Variants in MYH13 observed in about 807,000 individuals in gnomAD.
MYH13 encodes myosin heavy chain 13.
A neutral mutation model predicts 232.1 loss-of-function variants in MYH13; 177 were observed. The ratio of observed to expected loss-of-function variants is 0.76; its 90% CI spans 0.67 to 0.86. The LOEUF (loss-of-function observed/expected upper bound fraction) is 0.86. MYH13 is among the 40% of genes least tolerant of loss of function. The pLI is 0.00. For missense variants in MYH13, 2,246 were observed against 2,405.9 expected (o/e 0.93, Z 1.39); for synonymous variants, 884 against 923.5 (o/e 0.96, Z 0.78).
chr17:10,347,151 C>G (rs1383633895), intron 12 of MYH13, among the ~76,000 whole-genome samples: 2 of 152,146 alleles, frequency 1.3e-5, no homozygotes, highest in African/African-American at 2.4e-5. Context: ...GGGTGGATCA[C>G]CTGAGGTCAG....
chr17:10,352,317 C>G (rs190144903), intron 11 of MYH13, among the ~76,000 whole-genome samples: 1 of 151,978 alleles, frequency 6.6e-6, no homozygotes, highest in Non-Finnish European at 1.5e-5. Context: ...TGAGGCCAGG[C>G]GCGGTAGCTC....
At chr17:10,343,769 C>T (rs1165486149) in intron 16 of MYH13, 31 bp downstream of exon 16, 1 of 1,553,312 alleles carries the variant, frequency 6.4e-7, no homozygotes, top group East Asian at 2.3e-5. Context: ...ATAGAACGTC[C>T]CACAGAGGGA....
intron 31 of MYH13, 47 bp from the exon 32 acceptor site, chr17:10,312,123 C>T: frequency 6.2e-7 from 1 of 1,604,646 alleles, no homozygotes; most frequent in South Asian, 1.1e-5. Flanking sequence ...GCAGGGGTGA[C>T]TCAGAAGAGT....
chr17:10,367,065 T>G (rs1315749379), intron 2 of MYH13, among the ~76,000 whole-genome samples: 1 of 152,226 alleles, frequency 6.6e-6, no homozygotes, highest in Non-Finnish European at 1.5e-5. Flanking sequence ...ACCTGGAGGA[T>G]GAGAAAGAAT....
Position 10,309,391 on chromosome 17 carries a change from A to G in MYH13, c.5012T>C (p.Leu1671Pro). The part of the protein sequence containing the change: ...LDDALRSNED[L>P]KEQLAIVERR... ...CTCCACGATGGCCAGCTGCTCCTTG[A>G]GGTCCTCATTGCTCCTCAGGGCGTC... Residue 1671 changes from leucine to proline, a missense_variant, in exon 35 of 41, where the codon CTC (leucine) becomes CCC (proline). By Grantham distance (98) the Leu-to-Pro change is moderately conservative. Coordinates refer to ENST00000252172, the MANE Select transcript of MYH13 (RefSeq NM_003802.3). 2 of 1,611,070 alleles carry G rather than the reference A, an allele frequency of 1.2e-6. No individual in the cohort carries two copies. The highest frequency in any genetic ancestry group is 1.7e-6 in the Non-Finnish European group (2 of 1,178,650).
At chr17:10,318,723 C>A (rs1383471253) in intron 27 of MYH13, 67 bp downstream of exon 27, 1 of 1,591,116 alleles carries the variant, frequency 6.3e-7, no homozygotes, top group South Asian at 1.1e-5. Flanking sequence ...TCAAATTACA[C>A]GTGCCCAGGG....
At chr17:10,356,009 G>C (rs2071746972) in intron 8 of MYH13, among the ~76,000 whole-genome samples, 1 of 152,084 alleles carries the variant, frequency 6.6e-6, no homozygotes, top group Non-Finnish European at 1.5e-5. Flanking sequence ...TCAGGGTCTA[G>C]GTGGCCCACT....
intron 33 of MYH13, among the ~76,000 whole-genome samples, chr17:10,310,819 G>A (rs904654588): frequency 9.9e-5 from 15 of 152,180 alleles, no homozygotes; most frequent in Middle Eastern, 3.2e-3. Flanking sequence ...GAGATTCTGC[G>A]CTGCTCTCAG....
chr17:10,324,053 A>G lies in MYH13; in HGVS notation c.2903T>C (p.Val968Ala). Residue 968 changes from valine to alanine, a missense_variant, in exon 23 of 41, where the codon GTT (valine) becomes GCT (alanine). Physicochemically the swap from Val to Ala is moderately conservative, Grantham distance 64. Transcript: ENST00000252172. ...CTCTGTGGCATGCTTCTCCTTTTCA[A>G]CTTTCGTCAAGGTCAGCTCCAGGTC... ...IDDLELTLTKVEKEKHATENK... is the reference protein window; with the variant it reads ...IDDLELTLTKAEKEKHATENK... The G allele has an allele frequency of 6.2e-7, 1 of 1,613,872 alleles. No individual in the cohort carries two copies. Among genetic ancestry groups the G allele is most frequent in the South Asian group, 1.1e-5 (1 of 91,048 alleles).
Position 10,344,113 on chromosome 17 carries a change from G to C in MYH13, c.1585-4C>G, listed in dbSNP as rs181273126. On this transcript the variant is annotated splice_region_variant and splice_polypyrimidine_tract_variant and intron_variant, in intron 15 of 40. Coordinates refer to ENST00000252172, the MANE Select transcript of MYH13 (RefSeq NM_003802.3). ...GGATGGAGAAGATGCCCATAGGCTGGAAAGAGGATAACAGAGTCTACATAT... is the reference window on the plus strand; with the variant it reads ...GGATGGAGAAGATGCCCATAGGCTGCAAAGAGGATAACAGAGTCTACATAT... 6.2e-7 allele frequency: 1 copy of C among 1,613,892 alleles called. No individual in the cohort carries two copies. The highest frequency in any genetic ancestry group is 8.5e-7 in the Non-Finnish European group (1 of 1,179,822).
intron 11 of MYH13, among the ~76,000 whole-genome samples, chr17:10,352,363 G>A (rs1346268450): frequency 6.6e-6 from 1 of 152,120 alleles, no homozygotes; most frequent in African/African-American, 2.4e-5. Context: ...AGGCCGAGGT[G>A]GGTGGATCAC....
intron 23 of MYH13, among the ~76,000 whole-genome samples, chr17:10,322,290 C>T (rs2142234563): frequency 6.6e-6 from 1 of 151,832 alleles, no homozygotes; most frequent in African/African-American, 2.4e-5. Context: ...CCCAGCTACT[C>T]AGGAGGCTGA....
chr17:10,307,369 A>G (rs1906329554), intron 35 of MYH13, among the ~76,000 whole-genome samples: 1 of 152,260 alleles, frequency 6.6e-6, no homozygotes, highest in African/African-American at 2.4e-5. Context: ...GATGATAGAC[A>G]TACTATATGA....
intron 32 of MYH13, 149 bp downstream of exon 32, chr17:10,311,762 G>A: frequency 1.1e-6 from 1 of 925,230 alleles, no homozygotes; most frequent in Non-Finnish European, 1.6e-6. Flanking sequence ...CTGGGCCTTG[G>A]GGCAAACTGA....
chr17:10,314,988 G>C (rs1906649157), intron 29 of MYH13, among the ~76,000 whole-genome samples: 1 of 152,194 alleles, frequency 6.6e-6, no homozygotes, highest in South Asian at 2.1e-4. Flanking sequence ...GAGGAGGGGA[G>C]CTTAAAATCA....
At chr17:10,339,157 G>T (rs145881764) in intron 18 of MYH13, among the ~76,000 whole-genome samples, 2 of 151,768 alleles carry the variant, frequency 1.3e-5, no homozygotes, top group African/African-American at 4.9e-5. Flanking sequence ...TTAATCCTGA[G>T]CTGGGAGGCC....
intron 39 of MYH13, 45 bp from the exon 40 acceptor site, chr17:10,301,748 T>C: frequency 6.2e-7 from 1 of 1,605,704 alleles, no homozygotes. Context: ...AGCCTCTCAG[T>C]CCGATTATGA....
chr17:10,355,019 T>C, intron 9 of MYH13, 26 bp from the exon 10 acceptor site: 1 of 1,610,560 alleles, frequency 6.2e-7, no homozygotes, highest in Non-Finnish European at 8.5e-7. Flanking sequence ...TAACGTGATT[T>C]CAGGCTCCCA....
intron 1 of MYH13, among the ~76,000 whole-genome samples, chr17:10,372,310 C>A (rs553175264): frequency 6.6e-6 from 1 of 152,286 alleles, no homozygotes; most frequent in Non-Finnish European, 1.5e-5. Flanking sequence ...GAATCAGATG[C>A]ACCAGAAAAT....
Sources: gnomAD v4.1 joint callset for allele counts (sites outside exome capture counted in the v4.1 genomes callset) on GRCh38, gnomAD v4.1.1 for gene constraint, MANE v1.5 for transcripts, NCBI Gene and HGNC (gene_info 2026-07-23, HGNC 2026-07-21) for gene names.